Variants in TMEM87B observed in about 807,000 individuals in gnomAD.
TMEM87B encodes transmembrane protein 87B.
TMEM87B carries 83 observed loss-of-function variants against 80.3 expected under a neutral mutation model. The ratio of observed to expected loss-of-function variants is 1.03; its 90% confidence interval spans 0.87 to 1.24. TMEM87B has a LOEUF of 1.24. Among genes scored for constraint, TMEM87B ranks in the 50% most tolerant of loss-of-function variants. The probability of loss-of-function intolerance (pLI) is 0.00; values close to 1 mark genes in which losing one functional copy is unlikely to be tolerated. For missense variants in TMEM87B, 625 were observed against 674.4 expected, an observed-to-expected ratio of 0.93 and a Z score of 0.81; for synonymous variants, 219 against 230.5, an observed-to-expected ratio of 0.95 and a Z score of 0.45.
At chr2:112,059,890 A>G in intron 1 of TMEM87B, 87 bp from the exon 2 acceptor site, 1 of 1,462,530 alleles carries the variant, frequency 6.8e-7, no homozygotes, top group Middle Eastern at 1.9e-4. Context: ...GAGGAGTGCA[A>G]GGCTTAGAAC....
At position 112,055,619 on chromosome 2, in the gene TMEM87B, G is replaced by A. The variant is rs1033677217; in HGVS notation, c.28G>A (p.Gly10Arg). 1.3e-6 allele frequency: 2 copies of A among 1,539,542 alleles called. No homozygotes were observed. The highest frequency in any genetic ancestry group is 1.2e-5 in the South Asian group (1 of 83,686). ...GGTCGCCGCCTGCCGCTCGGTAGCCGGGCTCCTGCCACGCCGCCGCCGCTG... is the reference window on the plus strand; with the variant it reads ...GGTCGCCGCCTGCCGCTCGGTAGCCAGGCTCCTGCCACGCCGCCGCCGCTG... MVAACRSVAGLLPRRRRCFP... is the reference protein window; with the variant it reads MVAACRSVARLLPRRRRCFP... The change falls in exon 1 of 19, where the codon GGG becomes AGG. Residue 10 changes from glycine (G) to arginine (R), a missense_variant. Gly to Arg is a moderately radical substitution (Grantham distance 125). Transcript: ENST00000283206.
At chr2:112,109,277 A>G (rs1051009955) in intron 17 of TMEM87B, among the ~76,000 whole-genome samples, 3 of 152,124 alleles carry the variant, frequency 2.0e-5, no homozygotes, top group African/African-American at 4.8e-5. Context: ...ATATTCTTTT[A>G]TATTTCCCAT....
In TMEM87B at chr2:112,060,170, A is replaced by T. The variant is rs577479948; in HGVS notation, c.226+133A>T. 1.6e-5 allele frequency: 17 copies of T among 1,033,904 alleles called. No homozygotes were observed. The African/African-American group carries it at 2.8e-4, about 17-fold the overall frequency. 64.0% of individuals were successfully genotyped at this position (1,033,904 alleles called of 1,614,324 possible). On this transcript the variant is annotated intron_variant, in intron 2 of 18. Coordinates refer to ENST00000283206, the MANE Select transcript of TMEM87B (RefSeq NM_032824.3). ...GGACGAGCCTGGCCAACATAGTGAAACCCCGTCTCTACTAAAAATACAAAA... is the reference window on the plus strand; with the variant it reads ...GGACGAGCCTGGCCAACATAGTGAATCCCCGTCTCTACTAAAAATACAAAA...
chr2:112,078,535 C>T (rs2104472686), intron 6 of TMEM87B, among the ~76,000 whole-genome samples: 1 of 152,328 alleles, frequency 6.6e-6, no homozygotes, highest in African/African-American at 2.4e-5. Flanking sequence ...GACTTAATCA[C>T]TTCCCAAAAG....
At position 112,116,960 on chromosome 2, in the gene TMEM87B, T is replaced by A. The variant is rs1049036166; in HGVS notation, c.*817T>A. 6.6e-6 allele frequency: 1 copy of A among 152,616 alleles called. No individual in the cohort carries two copies. The highest frequency in any genetic ancestry group is 2.4e-5 in the African/African-American group (1 of 41,468). 9.5% of individuals were successfully genotyped at this position (152,616 alleles called of 1,614,324 possible). ...CCTAACTGGCAAGCTGGGAGACCCA[T>A]TACTGGTGAACTTTGTGGAAATTAG... On this transcript the variant is annotated 3_prime_UTR_variant, in exon 19 of 19. Coordinates refer to ENST00000283206, the MANE Select transcript of TMEM87B (RefSeq NM_032824.3).
chr2:112,081,396 C>T lies in TMEM87B; in HGVS notation c.716C>T (p.Ala239Val). 6.2e-7 allele frequency: 1 copy of T among 1,613,744 alleles called. No individual in the cohort carries two copies. Among genetic ancestry groups the T allele is most frequent in the Non-Finnish European group, 8.5e-7 (1 of 1,179,876 alleles). The change falls in exon 8 of 19, where the codon GCC becomes GTC. Residue 239 changes from alanine to valine, a missense_variant. By Grantham distance (64) the Ala-to-Val change is moderately conservative (BLOSUM62 0). Coordinates refer to ENST00000283206, the MANE Select transcript of TMEM87B (RefSeq NM_032824.3). ...LYGILWLTWS[A>V]CYWKDILRIQ... ...GGCATACTCTGGCTGACGTGGTCTG[C>T]CTGTTATTGGAAAGATATATTAAGA...
chr2:112,060,152 C>T, intron 2 of TMEM87B, 115 bp downstream of exon 2: 4 of 1,202,356 alleles, frequency 3.3e-6, no homozygotes, highest in Non-Finnish European at 3.2e-6. Flanking sequence ...TCAGGACGAG[C>T]CTGGCCAACA....
intron 17 of TMEM87B, 32 bp from the exon 18 acceptor site, chr2:112,112,867 A>G (rs530156826): frequency 6.2e-7 from 1 of 1,608,624 alleles, no homozygotes; most frequent in Non-Finnish European, 8.5e-7. Context: ...ACTGTTAACA[A>G]CATTATCACC....
intron 3 of TMEM87B, among the ~76,000 whole-genome samples, chr2:112,066,051 C>T (rs1573684200): frequency 6.6e-6 from 1 of 152,292 alleles, no homozygotes; most frequent in South Asian, 2.1e-4. Context: ...TACTACTTTT[C>T]TCTTTGTTAT....
At chr2:112,103,942 T>C (rs527835707) in intron 15 of TMEM87B, among the ~76,000 whole-genome samples, 120 of 152,292 alleles carry the variant, frequency 7.9e-4, no homozygotes, top group Middle Eastern at 3.4e-3. Context: ...AATAAACCCA[T>C]GCATGTGTGG....
chr2:112,067,335 C>T (rs138039730), intron 4 of TMEM87B, among the ~76,000 whole-genome samples: 122 of 152,232 alleles, frequency 8.0e-4, no homozygotes, highest in African/African-American at 2.8e-3. Context: ...TGGCTGGGCG[C>T]GGTGGCTCAC....
intron 6 of TMEM87B, among the ~76,000 whole-genome samples, chr2:112,080,697 T>C (rs1253182067): frequency 6.6e-6 from 1 of 152,266 alleles, no homozygotes; most frequent in Admixed American, 6.5e-5. Context: ...TGTCTACTGT[T>C]AATTGTTTCC....
intron 8 of TMEM87B, among the ~76,000 whole-genome samples, chr2:112,083,223 C>T (rs765629879): frequency 5.9e-5 from 9 of 152,140 alleles, no homozygotes; most frequent in Non-Finnish European, 1.3e-4. Flanking sequence ...CTTAGTATAG[C>T]TGACTTCTTC....
intron 5 of TMEM87B, among the ~76,000 whole-genome samples, chr2:112,076,233 C>T (rs1379322082): frequency 6.6e-6 from 1 of 152,106 alleles, no homozygotes; most frequent in African/African-American, 2.4e-5. Context: ...GCCTGGGTGA[C>T]AGAGCGAGAC....
chr2:112,115,446 C>T (rs1388442094), intron 18 of TMEM87B, among the ~76,000 whole-genome samples: 1 of 143,980 alleles, frequency 6.9e-6, no homozygotes, highest in Non-Finnish European at 1.5e-5. Context: ...ATTCATAACT[C>T]TACAGAAAGA....
chr2:112,076,359 A>G (rs948170740), intron 5 of TMEM87B, among the ~76,000 whole-genome samples: 1 of 152,186 alleles, frequency 6.6e-6, no homozygotes, highest in Non-Finnish European at 1.5e-5. Flanking sequence ...GGTTTTTTTG[A>G]GACACAGGCT....
intron 17 of TMEM87B, among the ~76,000 whole-genome samples, chr2:112,108,143 A>C (rs1281002809): frequency 6.6e-6 from 1 of 152,114 alleles, no homozygotes; most frequent in Non-Finnish European, 1.5e-5. Context: ...AATGTATGTA[A>C]ACTTTTTTTT....
At chr2:112,057,068 G>T (rs982996678) in intron 1 of TMEM87B, among the ~76,000 whole-genome samples, 5 of 152,184 alleles carry the variant, frequency 3.3e-5, no homozygotes, top group Non-Finnish European at 7.3e-5. Flanking sequence ...ACTTCTTCCT[G>T]CATGAGGAAG....
intron 11 of TMEM87B, chr2:112,095,627 G>A (rs534353041): frequency 5.9e-5 from 21 of 357,458 alleles, no homozygotes; most frequent in Admixed American, 1.3e-4. Context: ...ACCTGAATTG[G>A]TTGTATTGTA....
Sources: gnomAD v4.1 joint callset for allele counts (sites outside exome capture counted in the v4.1 genomes callset) on GRCh38, gnomAD v4.1.1 for gene constraint, MANE v1.5 for transcripts, NCBI Gene and HGNC (gene_info 2026-07-23, HGNC 2026-07-21) for gene names.